Variants in ADARB2 observed in about 807,000 individuals in gnomAD.
ADARB2 encodes inactive double-stranded RNA-specific editase B2.
Under a neutral mutation model 62.2 loss-of-function variants are expected in ADARB2, and 25 were observed. That is an observed-to-expected ratio of 0.40 (90% CI 0.29 to 0.56). The LOEUF (loss-of-function observed/expected upper bound fraction) is 0.56, where lower values mean the gene tolerates loss of function less well. Among genes scored for constraint, ADARB2 ranks in the 20% least tolerant of loss-of-function variants. ADARB2 has a pLI of 0.43. For synonymous variants in ADARB2, 572 were observed against 500.8 expected, an observed-to-expected ratio of 1.14 and a Z score of -1.90; for missense variants, 1,071 against 1,077.4, an observed-to-expected ratio of 0.99 and a Z score of 0.08.
intron 1 of ADARB2, among the ~76,000 whole-genome samples, chr10:1,669,101 C>T (rs1217777252): frequency 6.6e-6 from 1 of 152,198 alleles, no homozygotes; most frequent in African/African-American, 2.4e-5. Context: ...TAGCCTACTG[C>T]CTGCCTAATG....
At chr10:1,309,136 AATG>A (rs1249265180) in intron 3 of ADARB2, among the ~76,000 whole-genome samples, 2 of 152,198 alleles carry the variant, frequency 1.3e-5, no homozygotes, top group Non-Finnish European at 2.9e-5. Flanking sequence ...CACTTGAAGG[AATG>A]ATATTTGGGA....
intron 3 of ADARB2, among the ~76,000 whole-genome samples, chr10:1,287,416 C>T (rs1204206678): frequency 6.6e-6 from 1 of 152,118 alleles, no homozygotes; most frequent in East Asian, 1.9e-4. Flanking sequence ...TTTTGGCTGT[C>T]CTGAAATACA....
At chr10:1,184,304 T>C (rs1005214385) in intron 9 of ADARB2, among the ~76,000 whole-genome samples, 1 of 152,210 alleles carries the variant, frequency 6.6e-6, no homozygotes, top group African/African-American at 2.4e-5. Context: ...CAGTCTATGC[T>C]TTGGAAATGC....
At chr10:1,381,754 T>A (rs975731685) in intron 1 of ADARB2, among the ~76,000 whole-genome samples, 1 of 152,178 alleles carries the variant, frequency 6.6e-6, no homozygotes, top group Admixed American at 6.5e-5. Context: ...CAAATACTAG[T>A]GCATGGTCTC....
At chr10:1,603,019 T>C (rs201315778) in intron 1 of ADARB2, among the ~76,000 whole-genome samples, 1 of 84,432 alleles carries the variant, frequency 1.2e-5, no homozygotes, top group African/African-American at 4.2e-5. Flanking sequence ...TACACACACA[T>C]ACACACATCA....
chr10:1,270,806 A>G (rs985522117), intron 4 of ADARB2, 149 bp downstream of exon 4: 58 of 686,650 alleles, frequency 8.4e-5, no homozygotes, highest in Middle Eastern at 3.5e-4. Flanking sequence ...TGCTCTGGCC[A>G]CTGATCTCTG....
At chr10:1,457,478 C>T (rs998686239) in intron 1 of ADARB2, among the ~76,000 whole-genome samples, 1 of 152,180 alleles carries the variant, frequency 6.6e-6, no homozygotes, top group African/African-American at 2.4e-5. Context: ...CACATAAAAG[C>T]GTATTGCTGC....
At chr10:1,298,524 G>C (rs1257279075) in intron 3 of ADARB2, among the ~76,000 whole-genome samples, 1 of 152,100 alleles carries the variant, frequency 6.6e-6, no homozygotes, top group African/African-American at 2.4e-5. Context: ...AATTCACCTT[G>C]AGGGAGCCCA....
At chr10:1,382,532 T>C (rs1832492273) in intron 1 of ADARB2, among the ~76,000 whole-genome samples, 1 of 152,210 alleles carries the variant, frequency 6.6e-6, no homozygotes, top group Non-Finnish European at 1.5e-5. Flanking sequence ...CATCAGGGCC[T>C]CTCTTTGTGG....
intron 4 of ADARB2, among the ~76,000 whole-genome samples, chr10:1,258,501 T>TAGTCTCTAATAAAAC (rs1831101553): frequency 1.3e-5 from 2 of 152,324 alleles, no homozygotes; most frequent in South Asian, 4.1e-4. Flanking sequence ...GTTGCAATCC[T>TAGTCTCTAATAAAAC]AGTCTCTAAT....
chr10:1,217,487 C>T (rs1369580470), intron 6 of ADARB2, among the ~76,000 whole-genome samples: 3 of 152,248 alleles, frequency 2.0e-5, no homozygotes, highest in Non-Finnish European at 4.4e-5. Context: ...CAGACTTGAA[C>T]ACGCAGTTGG....
intron 1 of ADARB2, among the ~76,000 whole-genome samples, chr10:1,663,176 G>A (rs548993213): frequency 8.9e-4 from 135 of 152,354 alleles, no homozygotes; most frequent in African/African-American, 2.9e-3. Context: ...CAGAAAAGTT[G>A]AGCAGAAAGT....
chr10:1,661,588 G>A (rs777384814), intron 1 of ADARB2, among the ~76,000 whole-genome samples: 9 of 152,194 alleles, frequency 5.9e-5, no homozygotes, highest in Non-Finnish European at 1.3e-4. Flanking sequence ...GCAGAGGGTG[G>A]GCTTTAGCCA....
intron 1 of ADARB2, among the ~76,000 whole-genome samples, chr10:1,425,529 C>A (rs1214327223): frequency 6.6e-6 from 1 of 152,162 alleles, no homozygotes; most frequent in Non-Finnish European, 1.5e-5. Context: ...GATTTGCTTG[C>A]ATACTCCCAG....
At position 1,203,145 on chromosome 10, in the gene ADARB2, GA is replaced by G. The variant is rs536991032; in HGVS notation, c.1683-2999del. 7.8e-4 allele frequency among the ~76,000 whole-genome samples: 119 copies of G among 151,910 alleles called. 2 individuals carry two copies. Among genetic ancestry groups the G allele is most frequent in the Admixed American group, 2.9e-3 (44 of 15,262 alleles). On this transcript the variant is annotated intron_variant, in intron 7 of 9. Transcript: ENST00000381312. ...AGCTGATATTACTGCAATGTTGACA[GA>G]AAAAAAACCCATGTCTAGTTTTCAA... is the stretch of plus-strand genomic sequence containing the variant.
At chr10:1,619,738 C>A (rs1362692672) in intron 1 of ADARB2, among the ~76,000 whole-genome samples, 1 of 152,152 alleles carries the variant, frequency 6.6e-6, no homozygotes, top group Non-Finnish European at 1.5e-5. Context: ...GCATGAGCCA[C>A]CATTCCCTGC....
At chr10:1,259,424 A>C (rs959661151) in intron 4 of ADARB2, among the ~76,000 whole-genome samples, 11 of 152,322 alleles carry the variant, frequency 7.2e-5, no homozygotes, top group African/African-American at 2.6e-4. Flanking sequence ...AGAAGAAAAG[A>C]GAGAAGAATC....
chr10:1,341,351 T>C (rs1269196627), intron 3 of ADARB2, among the ~76,000 whole-genome samples: 3 of 88,876 alleles, frequency 3.4e-5, no homozygotes, highest in African/African-American at 9.0e-5. Flanking sequence ...CAACGTGCCC[T>C]GCAACGGCGA....
intron 1 of ADARB2, among the ~76,000 whole-genome samples, chr10:1,696,263 T>C (rs1365930557): frequency 6.7e-6 from 1 of 150,318 alleles, no homozygotes; most frequent in Non-Finnish European, 1.5e-5. Context: ...GCATTGTGTA[T>C]GTGCCTGTTT....
Sources: allele counts gnomAD v4.1 joint callset (sites outside exome capture counted in the v4.1 genomes callset), GRCh38; gene constraint gnomAD v4.1.1; transcripts MANE v1.5; gene names NCBI Gene and HGNC (gene_info 2026-07-23, HGNC 2026-07-21).